CLPX: variants seen among roughly 807,000 people sequenced by gnomAD.
CLPX encodes ATP-dependent clpX-like chaperone, mitochondrial.
Under a neutral mutation model 76.4 loss-of-function variants are expected in CLPX, and 34 were observed. The observed-to-expected ratio is 0.45, with a 90% CI of 0.34 to 0.59. CLPX has a LOEUF of 0.59. CLPX is among the 20% of genes least tolerant of loss of function. CLPX has a pLI of 0.01. For synonymous variants in CLPX, 248 were observed against 270.9 expected (o/e 0.92, Z 0.83); for missense variants, 613 against 757.0 (o/e 0.81, Z 2.23).
At chr15:65,182,363 C>T (rs574287942) in intron 1 of CLPX, among the ~76,000 whole-genome samples, 2 of 152,082 alleles carry the variant, frequency 1.3e-5, no homozygotes, top group African/African-American at 4.8e-5. Flanking sequence ...AAATACATAA[C>T]AAAGGAAACA....
At chr15:65,169,758 CTTTT>C (rs1204212863) in intron 3 of CLPX, among the ~76,000 whole-genome samples, 1 of 143,084 alleles carries the variant, frequency 7.0e-6, no homozygotes. Context: ...GATATATTTA[CTTTT>C]TTTTTTTTTT....
rs1396408056 is a variant in CLPX, at chr15:65,153,599, G to A, written c.1652C>T (p.Ala551Val). ...TGTTTTTCGTTCTAGTGCCAATCTG[G>A]CTATAGCTTTCAAAGCATCCTCAGT... Reference protein sequence around the residue: ...NVTEDALKAIARLALERKTGA... With the variant: ...NVTEDALKAIVRLALERKTGA... The change falls in exon 12 of 14, where the codon GCC becomes GTC. Residue 551 changes from alanine (A) to valine (V), a missense_variant. This residue lies in a region of CLPX where 450 missense variants were observed against 638.6 expected (regional missense o/e 0.70). Coordinates refer to ENST00000300107, the MANE Select transcript of CLPX (RefSeq NM_006660.5). 1.3e-6 allele frequency: 2 copies of A among 1,595,174 alleles called. No individual in the cohort carries two copies. Among genetic ancestry groups the A allele is most frequent in the East Asian group, 2.3e-5 (1 of 43,666 alleles).
intron 1 of CLPX, among the ~76,000 whole-genome samples, chr15:65,181,213 T>C (rs1465726768): frequency 6.6e-6 from 1 of 150,450 alleles, no homozygotes; most frequent in African/African-American, 2.4e-5. Context: ...AAAAAAAAAG[T>C]TCTTTAAAAA....
At chr15:65,162,183 C>T (rs2087863072) in intron 6 of CLPX, among the ~76,000 whole-genome samples, 1 of 152,010 alleles carries the variant, frequency 6.6e-6, no homozygotes, top group South Asian at 2.1e-4. Flanking sequence ...CCATCTGATG[C>T]TTGTAGGGGC....
chr15:65,162,463 A>G (rs1219379492), intron 6 of CLPX, 141 bp downstream of exon 6: 1 of 527,306 alleles, frequency 1.9e-6, no homozygotes, highest in East Asian at 3.2e-5. Flanking sequence ...ATGTAGGATA[A>G]ACACATTTAG....
At chr15:65,180,917 A>AAAATC (rs1009917476) in intron 1 of CLPX, among the ~76,000 whole-genome samples, 20 of 151,002 alleles carry the variant, frequency 1.3e-4, no homozygotes, top group African/African-American at 4.6e-4. Flanking sequence ...AAAAAAAAAA[A>AAAATC]AAATCTGTAA....
chr15:65,179,404 ACT>A (rs1467546801), intron 2 of CLPX, among the ~76,000 whole-genome samples: 2 of 152,166 alleles, frequency 1.3e-5, no homozygotes, highest in Non-Finnish European at 2.9e-5. Context: ...GTAGGTAGTG[ACT>A]CTGACTATTC....
At chr15:65,162,517 T>C (rs1196833321) in intron 6 of CLPX, 87 bp downstream of exon 6, 3 of 823,334 alleles carry the variant, frequency 3.6e-6, no homozygotes, top group African/African-American at 3.4e-5. Flanking sequence ...AATACATACA[T>C]GTCTATCACT....
chr15:65,151,344 C>CAAAAAAAAAA, intron 13 of CLPX, among the ~76,000 whole-genome samples: 1 of 59,300 alleles, frequency 1.7e-5, no homozygotes, highest in Non-Finnish European at 3.2e-5. Context: ...GACTGAGTCT[C>CAAAAAAAAAA]AAAAAAAAAA....
chr15:65,172,052 A>G (rs1481930200), intron 3 of CLPX, among the ~76,000 whole-genome samples: 1 of 152,078 alleles, frequency 6.6e-6, no homozygotes, highest in Non-Finnish European at 1.5e-5. Flanking sequence ...CTGGAGTGCA[A>G]TGGCGCGATC....
intron 3 of CLPX, among the ~76,000 whole-genome samples, chr15:65,169,440 G>A (rs1221810113): frequency 2.0e-5 from 3 of 152,002 alleles, no homozygotes; most frequent in African/African-American, 4.8e-5. Flanking sequence ...GGATGTTGGC[G>A]GGGCACAGTG....
rs900947171 is a variant in CLPX, at chr15:65,148,610, C to T, written c.*2213G>A. Reference sequence around the variant, plus strand: ...GTCCTACCCAGCCATAAATACCATACATCCCTTTTATTAATTATATCAAAG... The same window carrying T: ...GTCCTACCCAGCCATAAATACCATATATCCCTTTTATTAATTATATCAAAG... On this transcript the variant is annotated 3_prime_UTR_variant, in exon 14 of 14. Transcript: ENST00000300107. The T allele has an allele frequency of 1.3e-5, 2 of 152,106 alleles. No homozygotes were observed. The highest frequency in any genetic ancestry group is 4.8e-5 in the African/African-American group (2 of 41,422). The allele number at this position is 152,106 out of a possible 1,614,324, so 9.4% of individuals were successfully genotyped here.
intron 4 of CLPX, 58 bp from the exon 5 acceptor site, chr15:65,164,246 TAA>T (rs2087884472): frequency 1.4e-6 from 2 of 1,380,250 alleles, no homozygotes; most frequent in Non-Finnish European, 2.0e-6. Context: ...GCACACACAT[TAA>T]AAAGTTATTT....
chr15:65,153,913 T>C (rs1211056867), intron 11 of CLPX, among the ~76,000 whole-genome samples: 1 of 152,198 alleles, frequency 6.6e-6, no homozygotes, highest in Non-Finnish European at 1.5e-5. Context: ...TAATGATGAA[T>C]AGACATCATC....
chr15:65,185,314 C>G lies in CLPX; in HGVS notation c.-161G>C, dbSNP rs2088245539. On this transcript the variant is annotated 5_prime_UTR_variant, in exon 1 of 14. Transcript: ENST00000300107. ...CCGGCAGCCAGGCCTTCACGCTTCT[C>G]TGCCCCACAGCCGTCTATTCACCAG... is the stretch of plus-strand genomic sequence containing the variant. 4 of 605,374 alleles carry G rather than the reference C, an allele frequency of 6.6e-6. No homozygotes were observed. The highest frequency in any genetic ancestry group is 1.2e-5 in the Non-Finnish European group (4 of 340,978). 37.5% of individuals were successfully genotyped at this position (605,374 alleles called of 1,614,324 possible). A position where few individuals can be genotyped will look rare whatever the true frequency, so the allele number is the denominator to read the frequency against.
At chr15:65,154,059 C>T (rs936178426) in intron 11 of CLPX, among the ~76,000 whole-genome samples, 3 of 152,050 alleles carry the variant, frequency 2.0e-5, no homozygotes, top group Non-Finnish European at 2.9e-5. Flanking sequence ...AGGGAACCAC[C>T]GGAGGATTTT....
chr15:65,167,374 A>T (rs2087930448), intron 3 of CLPX, among the ~76,000 whole-genome samples: 1 of 152,138 alleles, frequency 6.6e-6, no homozygotes, highest in African/African-American at 2.4e-5. Flanking sequence ...CCGGCCCACT[A>T]AAAAAGATTT....
At position 65,154,895 on chromosome 15, in the gene CLPX, A is replaced by G. The variant is rs1286789415; in HGVS notation, c.1498T>C (p.Leu500=). The change falls in exon 11 of 14, where the codon TTG becomes CTG. Residue 500 remains leucine (L), a synonymous_variant. Coordinates refer to ENST00000300107, the MANE Select transcript of CLPX (RefSeq NM_006660.5). ...FGMIPEFVGR[L]PVVVPLHSLD... is the part of the protein sequence containing the mutation. The stretch of plus-strand genomic sequence containing the variant: ...CTATGCAATGGAACCACCACAGGCA[A>G]CCGTCCCACAAACTCAGGAATCATG... 8.7e-6 allele frequency: 14 copies of G among 1,614,208 alleles called. No homozygotes were observed. The highest frequency in any genetic ancestry group is 1.2e-5 in the Non-Finnish European group (14 of 1,180,032).
At chr15:65,174,358 G>A (rs780925759) in intron 3 of CLPX, among the ~76,000 whole-genome samples, 3 of 151,334 alleles carry the variant, frequency 2.0e-5, no homozygotes, top group Admixed American at 1.3e-4. Flanking sequence ...TCCGCCTCCC[G>A]GGTTCAAGCA....
Sources: gnomAD v4.1 joint callset for allele counts (sites outside exome capture counted in the v4.1 genomes callset) on GRCh38, gnomAD v4.1.1 for gene constraint, gnomAD v4.1.1 regional missense constraint, MANE v1.5 for transcripts, NCBI Gene and HGNC (gene_info 2026-07-23, HGNC 2026-07-21) for gene names.